AFF3: variants seen among roughly 807,000 people sequenced by gnomAD.
The protein encoded by AFF3 is ALF transcription elongation factor 3.
In AFF3, 32 loss-of-function variants were observed where a neutral mutation model predicts 129.7. The observed-to-expected ratio is 0.25, with a 90% CI of 0.19 to 0.33. The LOEUF (loss-of-function observed/expected upper bound fraction) is 0.33, where lower values mean the gene tolerates loss of function less well. Among genes scored for constraint, AFF3 ranks in the 10% least tolerant of loss-of-function variants. AFF3 has a pLI of 1.00. For missense variants in AFF3, 1,373 were observed against 1,592.0 expected (o/e 0.86, Z 2.34); for synonymous variants, 644 against 635.4 (o/e 1.01, Z -0.20).
intron 13 of AFF3, among the ~76,000 whole-genome samples, chr2:99,618,145 T>C (rs768921687): frequency 1.3e-4 from 20 of 152,048 alleles, no homozygotes; most frequent in Non-Finnish European, 2.2e-4. Context: ...GGCTACCTCG[T>C]TGACATTTAA....
chr2:100,106,483 A>G (rs2105512653), intron 2 of AFF3: 1 of 1,006,160 alleles, frequency 9.9e-7, no homozygotes, highest in African/African-American at 1.7e-5. Context: ...CCCTTAGCAT[A>G]CGCCTTGTTG....
chr2:99,580,210 T>C (rs539230684), intron 17 of AFF3, among the ~76,000 whole-genome samples: 1 of 152,300 alleles, frequency 6.6e-6, no homozygotes, highest in South Asian at 2.1e-4. Context: ...TCTTAGTATA[T>C]GGTGACTTGC....
chr2:100,030,333 G>C (rs1033505385), intron 4 of AFF3, among the ~76,000 whole-genome samples: 2 of 152,070 alleles, frequency 1.3e-5, no homozygotes, highest in Non-Finnish European at 2.9e-5. Context: ...AAAACAACGA[G>C]ATACCGCTAC....
chr2:99,626,093 C>G (rs908689181), intron 13 of AFF3, among the ~76,000 whole-genome samples: 3 of 152,144 alleles, frequency 2.0e-5, no homozygotes, highest in African/African-American at 7.2e-5. Context: ...GAAGCTGCTG[C>G]GTTTGGACAC....
intron 4 of AFF3, among the ~76,000 whole-genome samples, chr2:100,094,158 C>T (rs200776103): frequency 0.13 from 19,567 of 152,166 alleles, 1,545 homozygotes; most frequent in South Asian, 0.2. Flanking sequence ...GTTTTGTAGA[C>T]GACTTTTTTT....
At chr2:99,784,476 T>C (rs1340480445) in intron 8 of AFF3, among the ~76,000 whole-genome samples, 2 of 152,182 alleles carry the variant, frequency 1.3e-5, no homozygotes, top group African/African-American at 4.8e-5. Flanking sequence ...AGTTAGTCCC[T>C]CTAGAGGCCT....
chr2:99,609,168 A>C (rs1374235273), intron 13 of AFF3, among the ~76,000 whole-genome samples: 1 of 152,176 alleles, frequency 6.6e-6, no homozygotes, highest in Non-Finnish European at 1.5e-5. Flanking sequence ...CAGAGCAGTT[A>C]CCAAACACCA....
intron 7 of AFF3, among the ~76,000 whole-genome samples, chr2:99,941,030 A>G (rs1387072773): frequency 6.6e-6 from 1 of 152,176 alleles, no homozygotes; most frequent in African/African-American, 2.4e-5. Flanking sequence ...AGGCTGACGG[A>G]GGCTAAAGAC....
At chr2:99,928,740 T>C (rs1334182422) in intron 7 of AFF3, among the ~76,000 whole-genome samples, 2 of 152,214 alleles carry the variant, frequency 1.3e-5, no homozygotes, top group Non-Finnish European at 2.9e-5. Flanking sequence ...CTTGGCCATG[T>C]GCTGGGTAAG....
intron 7 of AFF3, among the ~76,000 whole-genome samples, chr2:99,927,959 T>C (rs187158929): frequency 3.3e-5 from 5 of 152,220 alleles, no homozygotes; most frequent in East Asian, 1.9e-4. Context: ...GTTCTCATGA[T>C]AGTGCATGGG....
chr2:100,105,601 G>A lies in AFF3; in HGVS notation c.-144-18C>T. 1.5e-6 allele frequency: 2 copies of A among 1,335,530 alleles called. No homozygotes were observed. Among genetic ancestry groups the A allele is most frequent in the Middle Eastern group, 2.0e-4 (1 of 4,900 alleles). 82.7% of individuals were successfully genotyped at this position (1,335,530 alleles called of 1,614,324 possible). A position where few individuals can be genotyped will look rare whatever the true frequency, so the allele number is the denominator to read the frequency against. ...GTGATCAGCTAGAAGGGTGATAAGAGTATCATCGTGGCTCCTAAAGAGTAA... is the reference window on the plus strand; with the variant it reads ...GTGATCAGCTAGAAGGGTGATAAGAATATCATCGTGGCTCCTAAAGAGTAA... On this transcript the variant is annotated intron_variant, in intron 2 of 24. Coordinates refer to ENST00000672756, the MANE Select transcript of AFF3 (RefSeq NM_001386135.1).
At chr2:99,648,917 A>ACACACACACACT in intron 13 of AFF3, among the ~76,000 whole-genome samples, 18 of 46,936 alleles carry the variant, frequency 3.8e-4, no homozygotes, top group African/African-American at 9.6e-4. Flanking sequence ...ACACACACAC[A>ACACACACACACT]CTCTCTCTCT....
intron 8 of AFF3, among the ~76,000 whole-genome samples, chr2:99,765,959 A>G (rs1216944287): frequency 6.6e-6 from 1 of 152,208 alleles, no homozygotes; most frequent in African/African-American, 2.4e-5. Context: ...GTTACTAGAA[A>G]TCAGCATACA....
At chr2:99,812,315 T>C (rs758278116) in intron 8 of AFF3, among the ~76,000 whole-genome samples, 1 of 152,188 alleles carries the variant, frequency 6.6e-6, no homozygotes, top group Non-Finnish European at 1.5e-5. Context: ...AGTAAGATCA[T>C]TGTCTTCCTT....
At chr2:99,671,458 C>T (rs1328926346) in intron 12 of AFF3, among the ~76,000 whole-genome samples, 2 of 152,168 alleles carry the variant, frequency 1.3e-5, no homozygotes, top group East Asian at 3.9e-4. Context: ...TCAGTTTCTC[C>T]CATGACATGA....
intron 7 of AFF3, among the ~76,000 whole-genome samples, chr2:99,993,540 AAACT>A (rs1559039913): frequency 6.6e-6 from 1 of 151,872 alleles, no homozygotes; most frequent in African/African-American, 2.4e-5. Context: ...ACTAAAGATA[AAACT>A]AATATATAAA....
intron 13 of AFF3, among the ~76,000 whole-genome samples, chr2:99,639,668 T>C (rs961115883): frequency 1.3e-5 from 2 of 150,456 alleles, no homozygotes; most frequent in African/African-American, 4.9e-5. Context: ...GTGACTTTTT[T>C]ATGTATTTAT....
At chr2:100,117,009 T>A (rs1186313472) in intron 2 of AFF3, among the ~76,000 whole-genome samples, 1 of 152,174 alleles carries the variant, frequency 6.6e-6, no homozygotes, top group Non-Finnish European at 1.5e-5. Flanking sequence ...TCAACTTTAC[T>A]GTTGTTCCGA....
At chr2:100,038,699 G>A (rs941561095) in intron 4 of AFF3, among the ~76,000 whole-genome samples, 1 of 151,542 alleles carries the variant, frequency 6.6e-6, no homozygotes, top group African/African-American at 2.4e-5. Context: ...ATGGGACTAT[G>A]CAGCATATTT....
Sources: allele counts gnomAD v4.1 joint callset (sites outside exome capture counted in the v4.1 genomes callset), GRCh38; gene constraint gnomAD v4.1.1; transcripts MANE v1.5; gene names NCBI Gene and HGNC (gene_info 2026-07-23, HGNC 2026-07-21).